Variants in EIPR1 observed in about 807,000 individuals in gnomAD.
The protein encoded by EIPR1 is EARP complex and GARP complex interacting protein 1, also known as EARP and GARP complex-interacting protein 1.
In EIPR1, 25 loss-of-function variants were observed where a neutral mutation model predicts 48.1. That is an observed-to-expected ratio of 0.52 (90% CI 0.38 to 0.73). EIPR1 has a LOEUF of 0.73. Among genes scored for constraint, EIPR1 ranks in the 30% least tolerant of loss-of-function variants. The pLI, the probability that EIPR1 is intolerant of heterozygous loss-of-function variation, is 0.00. For missense variants in EIPR1, 415 were observed against 506.2 expected, an observed-to-expected ratio of 0.82 and a Z score of 1.73; for synonymous variants, 204 against 201.9, an observed-to-expected ratio of 1.01 and a Z score of -0.09.
At chr2:3,191,214 G>A (rs957962183) in intron 8 of EIPR1, among the ~76,000 whole-genome samples, 1 of 127,434 alleles carries the variant, frequency 7.8e-6, no homozygotes, top group African/African-American at 3.0e-5. Flanking sequence ...TGCAGAGAGG[G>A]TCTGAAGACA....
At chr2:3,218,695 C>A in intron 4 of EIPR1, among the ~76,000 whole-genome samples, 1 of 150,654 alleles carries the variant, frequency 6.6e-6, no homozygotes, top group Admixed American at 6.6e-5. Context: ...CAGGTGGACA[C>A]CCAACACGGC....
intron 3 of EIPR1, among the ~76,000 whole-genome samples, chr2:3,272,570 T>C (rs907844032): frequency 1.3e-4 from 20 of 152,142 alleles, no homozygotes; most frequent in African/African-American, 4.8e-4. Flanking sequence ...TGATGGAGCA[T>C]TCAAAACACA....
chr2:3,314,847 C>T (rs903467721), intron 3 of EIPR1, among the ~76,000 whole-genome samples: 9 of 151,916 alleles, frequency 5.9e-5, no homozygotes, highest in Non-Finnish European at 8.8e-5. Flanking sequence ...TCACCTAGGC[C>T]TGAGTTGTGC....
At chr2:3,267,910 C>T (rs1053601343) in intron 3 of EIPR1, among the ~76,000 whole-genome samples, 5 of 152,246 alleles carry the variant, frequency 3.3e-5, no homozygotes, top group Admixed American at 3.3e-4. Context: ...ACCCACTTGC[C>T]ACCTCAGGTG....
intron 3 of EIPR1, among the ~76,000 whole-genome samples, chr2:3,263,047 T>C (rs1036566857): frequency 2.6e-5 from 4 of 152,206 alleles, no homozygotes; most frequent in Non-Finnish European, 5.9e-5. Context: ...TACTTTTAGC[T>C]GAAGAAGGAG....
intron 5 of EIPR1, chr2:3,208,596 T>G: frequency 6.4e-7 from 1 of 1,550,654 alleles, no homozygotes; most frequent in Non-Finnish European, 8.7e-7. Flanking sequence ...CAAAGTGAGC[T>G]CACTGAGTGT....
chr2:3,289,949 G>A (rs942356253), intron 3 of EIPR1, among the ~76,000 whole-genome samples: 2 of 152,238 alleles, frequency 1.3e-5, no homozygotes, highest in Non-Finnish European at 2.9e-5. Context: ...AGTTCCAGCT[G>A]CCACGGTCGC....
intron 3 of EIPR1, among the ~76,000 whole-genome samples, chr2:3,306,422 A>G (rs570770036): frequency 6.6e-6 from 1 of 152,304 alleles, no homozygotes; most frequent in South Asian, 2.1e-4. Context: ...TTTCTTTATG[A>G]AATTACGGTT....
intron 4 of EIPR1, among the ~76,000 whole-genome samples, chr2:3,249,411 AC>A (rs112645342): frequency 0.019 from 2,836 of 152,364 alleles, 84 homozygotes; most frequent in African/African-American, 0.065. Flanking sequence ...CTCAGAAGCA[AC>A]GTATTCAAGA....
chr2:3,377,717 C>A lies in EIPR1; in HGVS notation c.-28G>T. 1 of 1,568,478 alleles carries A rather than the reference C, an allele frequency of 6.4e-7. No homozygotes were observed. Among genetic ancestry groups the A allele is most frequent in the Non-Finnish European group, 8.6e-7 (1 of 1,156,214 alleles). On this transcript the variant is annotated 5_prime_UTR_variant, in exon 1 of 9. Transcript: ENST00000382125. ...TGCGGGGAAGCGACCCGACCCCGGCCACTCACACGCTAAGGACCTCGCTAC... is the reference window on the plus strand; with the variant it reads ...TGCGGGGAAGCGACCCGACCCCGGCAACTCACACGCTAAGGACCTCGCTAC...
chr2:3,232,049 A>C (rs1359697321), intron 4 of EIPR1, among the ~76,000 whole-genome samples: 1 of 152,064 alleles, frequency 6.6e-6, no homozygotes, highest in Non-Finnish European at 1.5e-5. Flanking sequence ...TTTCGTCTTT[A>C]TTCAGTCTTG....
chr2:3,224,520 CA>C (rs1473297968), intron 4 of EIPR1, among the ~76,000 whole-genome samples: 1 of 152,196 alleles, frequency 6.6e-6, no homozygotes, highest in Non-Finnish European at 1.5e-5. Context: ...CACTCTATCA[CA>C]AGGCTCCAGG....
chr2:3,349,564 AGACAGG>A (rs148938779), intron 2 of EIPR1, among the ~76,000 whole-genome samples: 4 of 152,186 alleles, frequency 2.6e-5, no homozygotes, highest in African/African-American at 7.2e-5. Context: ...GGATGCTGCC[AGACAGG>A]GACAGGGACA....
intron 5 of EIPR1, among the ~76,000 whole-genome samples, chr2:3,201,558 G>A (rs1168866856): frequency 6.6e-6 from 1 of 152,222 alleles, no homozygotes; most frequent in Non-Finnish European, 1.5e-5. Context: ...CTGCAGGGAG[G>A]GAGAGCGTGG....
intron 4 of EIPR1, among the ~76,000 whole-genome samples, chr2:3,246,487 C>T (rs1266327258): frequency 6.6e-6 from 1 of 152,136 alleles, no homozygotes; most frequent in Non-Finnish European, 1.5e-5. Flanking sequence ...GTACACCCTG[C>T]TTTCCCAGGT....
intron 3 of EIPR1, among the ~76,000 whole-genome samples, chr2:3,285,144 G>A (rs1210967588): frequency 6.6e-6 from 1 of 152,190 alleles, no homozygotes; most frequent in Non-Finnish European, 1.5e-5. Context: ...CCCGAGGTCA[G>A]CGAGCCTGTG....
chr2:3,288,384 G>A (rs1198145264), intron 3 of EIPR1, among the ~76,000 whole-genome samples: 8 of 152,228 alleles, frequency 5.3e-5, no homozygotes, highest in South Asian at 2.1e-4. Flanking sequence ...ACCACAGGGC[G>A]AACAAGGAGG....
intron 2 of EIPR1, among the ~76,000 whole-genome samples, chr2:3,347,246 G>T (rs1223350182): frequency 1.3e-5 from 2 of 152,138 alleles, no homozygotes; most frequent in African/African-American, 4.8e-5. Context: ...TGCAAGAATG[G>T]CCTAATACAC....
At position 3,216,097 on chromosome 2, in the gene EIPR1, C is replaced by T. The variant is rs1225572588; in HGVS notation, c.417-1849G>A. Among the ~76,000 whole-genome samples, 10 of 152,272 alleles carry T rather than the reference C, an allele frequency of 6.6e-5. No homozygotes were observed. The South Asian group carries it at 1.5e-3, about 22-fold the overall frequency. ...AAAATGATCACACTTCTCTCCGTAGCCCAGTTACTGCAGGTAAACATAGGT... is the reference window on the plus strand; with the variant it reads ...AAAATGATCACACTTCTCTCCGTAGTCCAGTTACTGCAGGTAAACATAGGT... On this transcript the variant is annotated intron_variant, in intron 4 of 8. Coordinates refer to ENST00000382125, the MANE Select transcript of EIPR1 (RefSeq NM_003310.5).
Sources: allele counts gnomAD v4.1 joint callset (sites outside exome capture counted in the v4.1 genomes callset), GRCh38; gene constraint gnomAD v4.1.1; transcripts MANE v1.5; gene names NCBI Gene and HGNC (gene_info 2026-07-23, HGNC 2026-07-21).